The following DUS2 variants were observed in gnomAD, a reference collection of about 807,000 sequenced individuals.
DUS2 encodes the protein dihydrouridine synthase 2.
Under a neutral mutation model 71.3 loss-of-function variants are expected in DUS2, and 52 were observed. The ratio of observed to expected loss-of-function variants is 0.73; its 90% CI spans 0.58 to 0.92. The LOEUF (loss-of-function observed/expected upper bound fraction) is 0.92. Among genes scored for constraint, DUS2 ranks in the 40% least tolerant of loss-of-function variants. The pLI is 0.00. For synonymous variants in DUS2, 204 were observed against 227.8 expected (o/e 0.90, Z 0.94); for missense variants, 558 against 622.6 (o/e 0.90, Z 1.10).
At chr16:68,037,264 A>G (rs2033544964) in intron 2 of DUS2, among the ~76,000 whole-genome samples, 1 of 151,452 alleles carries the variant, frequency 6.6e-6, no homozygotes, top group Admixed American at 6.6e-5. Flanking sequence ...ATGTATGTGC[A>G]TGTATACTAA....
In DUS2 at chr16:68,079,147, GC is replaced by G; in HGVS notation, c.*164del. On this transcript the variant is annotated 3_prime_UTR_variant, in exon 17 of 17. Transcript: ENST00000565263. Reference sequence around the variant, plus strand: ...CAGCCTAGAGCATGGACCAGGGGCCGCCCAGGGGTGGATCCTGGCCCCTTTG... The same window carrying G: ...CAGCCTAGAGCATGGACCAGGGGCCGCCAGGGGTGGATCCTGGCCCCTTTG... 1.7e-6 allele frequency: 1 copy of G among 587,118 alleles called. No individual in the cohort carries two copies. Among genetic ancestry groups the G allele is most frequent in the Non-Finnish European group, 2.8e-6 (1 of 356,470 alleles). 36.4% of individuals were successfully genotyped at this position (587,118 alleles called of 1,614,324 possible).
At chr16:68,053,700 C>T (rs2033811812) in intron 5 of DUS2, 45 bp downstream of exon 5, 2 of 1,601,216 alleles carry the variant, frequency 1.2e-6, no homozygotes, top group Middle Eastern at 1.7e-4. Context: ...CTCACCATCC[C>T]CTGGGATTTC....
chr16:68,043,864 C>A (rs2033665534), intron 3 of DUS2, among the ~76,000 whole-genome samples: 1 of 152,072 alleles, frequency 6.6e-6, no homozygotes, highest in African/African-American at 2.4e-5. Flanking sequence ...GGGGTTTTGG[C>A]ATGTTGGCCG....
At chr16:68,049,420 A>T (rs1018043167) in intron 3 of DUS2, 85 bp from the exon 4 acceptor site, 1 of 1,439,630 alleles carries the variant, frequency 6.9e-7, no homozygotes, top group Non-Finnish European at 9.8e-7. Context: ...TGGCCAAGCG[A>T]TCCTCATTAG....
chr16:68,079,058 C>T lies in DUS2; in HGVS notation c.*72C>T. Reference sequence around the variant, plus strand: ...TGGCTGTGGATGCCACAGCATGAACCAGATGCCGTTGAACAGTTTGCTGGT... The same window carrying T: ...TGGCTGTGGATGCCACAGCATGAACTAGATGCCGTTGAACAGTTTGCTGGT... On this transcript the variant is annotated 3_prime_UTR_variant, in exon 17 of 17. Coordinates refer to ENST00000565263, the MANE Select transcript of DUS2 (RefSeq NM_017803.5). The T allele has an allele frequency of 7.5e-7, 1 of 1,327,926 alleles. No homozygotes were observed. The highest frequency in any genetic ancestry group is 1.0e-6 in the Non-Finnish European group (1 of 971,492). The allele number at this position is 1,327,926 out of a possible 1,614,324, so 82.3% of individuals were successfully genotyped here. A position where few individuals can be genotyped will look rare whatever the true frequency, so the allele number is the denominator to read the frequency against.
chr16:68,061,001 C>A (rs778991652), intron 7 of DUS2, 65 bp from the exon 8 acceptor site: 5 of 1,525,742 alleles, frequency 3.3e-6, no homozygotes, highest in Non-Finnish European at 4.5e-6. Flanking sequence ...TGCCAGACCC[C>A]ATCCCATGGA....
intron 8 of DUS2, among the ~76,000 whole-genome samples, chr16:68,061,874 C>G (rs1181394423): frequency 6.6e-6 from 1 of 152,204 alleles, no homozygotes; most frequent in Non-Finnish European, 1.5e-5. Flanking sequence ...GTTGCTGTGC[C>G]AGCAGCCCAA....
intron 2 of DUS2, among the ~76,000 whole-genome samples, chr16:68,034,177 C>T (rs2033482763): frequency 6.6e-6 from 1 of 152,030 alleles, no homozygotes; most frequent in African/African-American, 2.4e-5. Context: ...CTAGTGATCT[C>T]ACCTCAGCCT....
chr16:68,075,333 TG>T (rs771271073), intron 13 of DUS2, 21 bp from the exon 14 acceptor site: 37 of 1,580,542 alleles, frequency 2.3e-5, no homozygotes, highest in Non-Finnish European at 3.1e-5. Context: ...GTGTTTGCTC[TG>T]ATCTGCTTCT....
In DUS2 at chr16:68,074,039, G is replaced by A. The variant is rs1416534382; in HGVS notation, c.816G>A (p.Val272=). The A allele has an allele frequency of 1.6e-5, 26 of 1,613,992 alleles. No individual in the cohort carries two copies. Among genetic ancestry groups the A allele is most frequent in the Non-Finnish European group, 2.1e-5 (25 of 1,179,968 alleles). The change falls in exon 13 of 17, where the codon GTG becomes GTA. Residue 272 remains valine (V), a synonymous_variant. Coordinates refer to ENST00000565263, the MANE Select transcript of DUS2 (RefSeq NM_017803.5). ...CAAGTCATTTCTTTTCTCAGGCGGT[G>A]CAGTATGACAACCACTACACCAACA... ...EVMQKYIRYA[V]QYDNHYTNTK... is the part of the protein sequence containing the mutation.
chr16:68,049,617 C>A, intron 4 of DUS2, 67 bp downstream of exon 4: 1 of 1,475,614 alleles, frequency 6.8e-7, no homozygotes, highest in Non-Finnish European at 9.5e-7. Flanking sequence ...CTACCACTGC[C>A]CTTGCCTGGG....
Position 68,037,996 on chromosome 16 carries a change from T to G in DUS2, c.-18-10T>G. 6.2e-7 allele frequency: 1 copy of G among 1,601,886 alleles called. No individual in the cohort carries two copies. Among genetic ancestry groups the G allele is most frequent in the Non-Finnish European group, 8.5e-7 (1 of 1,176,358 alleles). ...GAATTTCTGACTCTTGTTTCCTCTT[T>G]TTTTTTCAGGCTGTAACAGAGGAGG... is the stretch of plus-strand genomic sequence containing the variant. On this transcript the variant is annotated splice_polypyrimidine_tract_variant and intron_variant, in intron 2 of 16. Transcript: ENST00000565263.
In DUS2 at chr16:68,079,234, C is replaced by T. The variant is rs902075866; in HGVS notation, c.*248C>T. The T allele has an allele frequency of 2.4e-6, 1 of 408,408 alleles. No individual in the cohort carries two copies. The highest frequency in any genetic ancestry group is 2.0e-5 in the African/African-American group (1 of 49,354). The allele number at this position is 408,408 out of a possible 1,614,324, so 25.3% of individuals were successfully genotyped here. A position where few individuals can be genotyped will look rare whatever the true frequency, so the allele number is the denominator to read the frequency against. On this transcript the variant is annotated 3_prime_UTR_variant, in exon 17 of 17. Coordinates refer to ENST00000565263, the MANE Select transcript of DUS2 (RefSeq NM_017803.5). ...AACAGGAGCTTTTCAGGTGGTAACT[C>T]CCCAACCTGACATTGGTACTGTGCA...
At chr16:68,043,084 C>T (rs1328520067) in intron 3 of DUS2, among the ~76,000 whole-genome samples, 2 of 152,094 alleles carry the variant, frequency 1.3e-5, no homozygotes, top group African/African-American at 4.8e-5. Context: ...AACAGGTGGC[C>T]TCAAGTGATC....
At chr16:68,030,346 C>A (rs2033419218) in intron 2 of DUS2, among the ~76,000 whole-genome samples, 1 of 152,086 alleles carries the variant, frequency 6.6e-6, no homozygotes, top group East Asian at 1.9e-4. Context: ...GCAATCCCAG[C>A]ACTTTGGGAG....
At chr16:68,063,435 G>C (rs1399896266) in intron 8 of DUS2, among the ~76,000 whole-genome samples, 1 of 152,058 alleles carries the variant, frequency 6.6e-6, no homozygotes, top group African/African-American at 2.4e-5. Flanking sequence ...TCTTGTTTGG[G>C]GTTATGAAAA....
At chr16:68,031,555 C>A (rs1318810699) in intron 2 of DUS2, among the ~76,000 whole-genome samples, 1 of 152,184 alleles carries the variant, frequency 6.6e-6, no homozygotes, top group African/African-American at 2.4e-5. Flanking sequence ...GTACTTGTGG[C>A]TTGCCCTTCT....
Position 68,076,650 on chromosome 16 carries a change from G to A in DUS2, c.1101G>A (p.Gln367=), listed in dbSNP as rs141868590. 3 of 1,614,040 alleles carry A rather than the reference G, an allele frequency of 1.9e-6. No homozygotes were observed. The highest frequency in any genetic ancestry group is 1.6e-4 in the Middle Eastern group (1 of 6,062). Residue 367 remains glutamine, a synonymous_variant, in exon 15 of 17, where the codon CAG becomes CAA. Coordinates refer to ENST00000565263, the MANE Select transcript of DUS2 (RefSeq NM_017803.5). ...TCCCCAGGAGAGCATACCCAGCCCAGATCACCCCTAAGATGTGCCTACTAG... is the reference window on the plus strand; with the variant it reads ...TCCCCAGGAGAGCATACCCAGCCCAAATCACCCCTAAGATGTGCCTACTAG... ...VKFDRRAYPA[Q]ITPKMCLLEW... is the part of the protein sequence containing the mutation.
At chr16:68,078,220 C>T in intron 15 of DUS2, 1 of 576,208 alleles carries the variant, frequency 1.7e-6, no homozygotes, top group Non-Finnish European at 3.1e-6. Flanking sequence ...AAGGGCTCTG[C>T]TGCGCTTTGC....
Sources: gnomAD v4.1 joint callset for allele counts (sites outside exome capture counted in the v4.1 genomes callset) on GRCh38, gnomAD v4.1.1 for gene constraint, MANE v1.5 for transcripts, NCBI Gene and HGNC (gene_info 2026-07-23, HGNC 2026-07-21) for gene names.